The following NEK1 variants were observed in gnomAD, a reference collection of about 807,000 sequenced individuals.
NEK1 encodes the protein serine/threonine-protein kinase Nek1.
In NEK1, 137 loss-of-function variants were observed where a neutral mutation model predicts 182.1. That is an observed-to-expected ratio of 0.75 (90% CI 0.65 to 0.87). The LOEUF (loss-of-function observed/expected upper bound fraction) is 0.87, where lower values mean the gene tolerates loss of function less well. Among genes scored for constraint, NEK1 ranks in the 40% least tolerant of loss-of-function variants. The pLI is 0.00. For synonymous variants in NEK1, 513 were observed against 492.2 expected (o/e 1.04, Z -0.56); for missense variants, 1,391 against 1,494.4 (o/e 0.93, Z 1.14).
chr4:169,611,226 TC>T (rs1409137419), intron 2 of NEK1, among the ~76,000 whole-genome samples: 2 of 152,204 alleles, frequency 1.3e-5, no homozygotes, highest in African/African-American at 2.4e-5. Context: ...TGTGGTCAAG[TC>T]CGACGACCTT....
intron 32 of NEK1, among the ~76,000 whole-genome samples, chr4:169,404,102 C>T (rs1329674771): frequency 2.6e-5 from 4 of 151,772 alleles, no homozygotes; most frequent in Non-Finnish European, 1.5e-5. Flanking sequence ...AGAACACAAG[C>T]CACAAATAAG....
intron 19 of NEK1, among the ~76,000 whole-genome samples, chr4:169,516,581 G>A (rs62334497): frequency 0.48 from 32,500 of 68,096 alleles, 9,096 homozygotes; most frequent in East Asian, 0.86. Flanking sequence ...CCTTGCCCAC[G>A]CCTATGTCCT....
intron 5 of NEK1, among the ~76,000 whole-genome samples, chr4:169,597,751 G>A (rs1371650001): frequency 6.6e-6 from 1 of 151,964 alleles, no homozygotes; most frequent in Admixed American, 6.6e-5. Flanking sequence ...TGGCTAACAC[G>A]GTGAAACCCC....
intron 18 of NEK1, among the ~76,000 whole-genome samples, chr4:169,548,392 G>C (rs1293581485): frequency 1.3e-5 from 2 of 152,220 alleles, no homozygotes; most frequent in African/African-American, 2.4e-5. Flanking sequence ...CCTGTATGAG[G>C]AGTCTGTCGG....
At chr4:169,563,535 T>C (rs1763254696) in intron 12 of NEK1, among the ~76,000 whole-genome samples, 1 of 152,184 alleles carries the variant, frequency 6.6e-6, no homozygotes, top group African/African-American at 2.4e-5. Flanking sequence ...TCATATCAAA[T>C]GTAAATACGA....
chr4:169,575,612 C>CA, intron 12 of NEK1, among the ~76,000 whole-genome samples: 1 of 152,206 alleles, frequency 6.6e-6, no homozygotes, highest in Non-Finnish European at 1.5e-5. Flanking sequence ...ACTGGCACCC[C>CA]AGCAGGCTTC....
intron 31 of NEK1, among the ~76,000 whole-genome samples, chr4:169,424,137 C>T (rs1322671419): frequency 1.3e-5 from 2 of 151,884 alleles, no homozygotes; most frequent in Admixed American, 1.3e-4. Context: ...AAAAGAGGTC[C>T]GAAAAACTTC....
At position 169,407,329 on chromosome 4, in the gene NEK1, A is replaced by G. The variant is rs141164293; in HGVS notation, c.3223-582T>C. ...AACTGACAGCCCCTTGTATCACTCA[A>G]TTGTAGGAACTGCTGATTAGCCACA... On this transcript the variant is annotated intron_variant, in intron 31 of 35. Transcript: ENST00000507142. Among the ~76,000 whole-genome samples the G allele has an allele frequency of 3.1e-3, 478 of 152,270 alleles. 1 individual carries two copies. Among genetic ancestry groups the G allele is most frequent in the Non-Finnish European group, 5.3e-3 (362 of 68,022 alleles).
chr4:169,447,258 A>T (rs138835166), intron 27 of NEK1, among the ~76,000 whole-genome samples: 281 of 152,284 alleles, frequency 1.8e-3, no homozygotes, highest in Non-Finnish European at 3.4e-3. Flanking sequence ...GTGACAGGAC[A>T]TATTTAAAGT....
chr4:169,509,770 A>T (rs1242427912), intron 19 of NEK1, among the ~76,000 whole-genome samples: 2 of 152,130 alleles, frequency 1.3e-5, no homozygotes, highest in Non-Finnish European at 2.9e-5. Context: ...AAAATTTATT[A>T]AAAAATAAAG....
intron 26 of NEK1, among the ~76,000 whole-genome samples, chr4:169,472,777 ACT>A (rs991540506): frequency 1.3e-5 from 2 of 152,216 alleles, no homozygotes; most frequent in African/African-American, 4.8e-5. Flanking sequence ...TTTAATAACT[ACT>A]TTTCATGTAT....
intron 22 of NEK1, 88 bp downstream of exon 22, chr4:169,507,627 G>A: frequency 2.3e-6 from 2 of 875,406 alleles, no homozygotes; most frequent in Admixed American, 4.4e-5. Context: ...AGACTAAAGT[G>A]ATATAACTAT....
intron 19 of NEK1, among the ~76,000 whole-genome samples, chr4:169,528,129 T>C (rs1052568212): frequency 6.6e-6 from 1 of 152,170 alleles, no homozygotes; most frequent in African/African-American, 2.4e-5. Context: ...CTAATATTTA[T>C]AATATTGTAA....
chr4:169,488,546 A>G (rs1749467706), intron 23 of NEK1, among the ~76,000 whole-genome samples: 1 of 152,034 alleles, frequency 6.6e-6, no homozygotes, highest in African/African-American at 2.4e-5. Context: ...CTATTTTTGT[A>G]CCAGTACCAT....
intron 31 of NEK1, among the ~76,000 whole-genome samples, chr4:169,415,640 T>C (rs1734419182): frequency 6.6e-6 from 1 of 152,142 alleles, no homozygotes; most frequent in African/African-American, 2.4e-5. Context: ...AACAAATATG[T>C]AGTATAAAAG....
intron 31 of NEK1, among the ~76,000 whole-genome samples, chr4:169,411,935 T>A (rs1454914670): frequency 1.3e-5 from 2 of 152,164 alleles, no homozygotes; most frequent in African/African-American, 4.8e-5. Context: ...ACTAGCAGGC[T>A]CCAGATAAGG....
intron 4 of NEK1, among the ~76,000 whole-genome samples, chr4:169,601,468 T>G (rs1770478579): frequency 6.6e-6 from 1 of 152,190 alleles, no homozygotes; most frequent in Non-Finnish European, 1.5e-5. Flanking sequence ...GCATTATAGC[T>G]ATAATACTTT....
At position 169,400,312 on chromosome 4, in the gene NEK1, T is replaced by C; in HGVS notation, c.3760A>G (p.Ile1254Val). The change falls in exon 35 of 36, where the codon ATA becomes GTA. Residue 1254 changes from isoleucine (I) to valine (V), a missense_variant. Around this residue, in one of 5 missense-constraint regions of NEK1, gnomAD observed 1,216 missense variants for 1,277.6 expected, o/e 0.95. Transcript: ENST00000507142. Reference sequence around the variant, plus strand: ...TCATTTCCCAAAATATTTTGAACTATTTTTGAACAAATTTCAATATTTTCA... The same window carrying C: ...TCATTTCCCAAAATATTTTGAACTACTTTTGAACAAATTTCAATATTTTCA... ...EDENIEICSK[I>V]VQNILGNEHQ... 1 of 1,544,308 alleles carries C rather than the reference T, an allele frequency of 6.5e-7. No individual in the cohort carries two copies. The highest frequency in any genetic ancestry group is 2.4e-5 in the East Asian group (1 of 41,564).
intron 12 of NEK1, among the ~76,000 whole-genome samples, chr4:169,563,728 G>C (rs1763277621): frequency 6.6e-6 from 1 of 152,168 alleles, no homozygotes; most frequent in African/African-American, 2.4e-5. Context: ...TAGGTTTCAG[G>C]TGTGTATACA....
Sources: gnomAD v4.1 joint callset for allele counts (sites outside exome capture counted in the v4.1 genomes callset) on GRCh38, gnomAD v4.1.1 for gene constraint, gnomAD v4.1.1 regional missense constraint, MANE v1.5 for transcripts, NCBI Gene and HGNC (gene_info 2026-07-23, HGNC 2026-07-21) for gene names.